Variants in COMMD10 observed in about 807,000 individuals in gnomAD.
COMMD10 encodes the protein COMM domain containing 10, also known as COMM domain-containing protein 10.
A neutral mutation model predicts 28.9 loss-of-function variants in COMMD10; 33 were observed. The observed-to-expected ratio is 1.14, with a 90% CI of 0.87 to 1.53. The LOEUF (loss-of-function observed/expected upper bound fraction) is 1.53. Among genes scored for constraint, COMMD10 ranks in the 40% most tolerant of loss-of-function variants. COMMD10 has a pLI of 0.00. For synonymous variants in COMMD10, 110 were observed against 81.7 expected (o/e 1.35, Z -1.87); for missense variants, 310 against 233.4 (o/e 1.33, Z -2.14).
At chr5:116,197,959 C>A (rs548507535) in intron 5 of COMMD10, among the ~76,000 whole-genome samples, 1 of 152,250 alleles carries the variant, frequency 6.6e-6, no homozygotes, top group East Asian at 1.9e-4. Context: ...TGGTTATTAC[C>A]TGGAAGGCTT....
At chr5:116,096,892 G>A (rs919048553) in intron 4 of COMMD10, among the ~76,000 whole-genome samples, 1 of 151,086 alleles carries the variant, frequency 6.6e-6, no homozygotes, top group African/African-American at 2.4e-5. Flanking sequence ...CTTTTTTTAA[G>A]CCATTTTCAT....
intron 5 of COMMD10, among the ~76,000 whole-genome samples, chr5:116,163,764 T>G (rs1025694760): frequency 1.3e-5 from 2 of 152,136 alleles, no homozygotes; most frequent in Non-Finnish European, 2.9e-5. Context: ...TTAAACCACT[T>G]TTTGTTTAGA....
intron 5 of COMMD10, among the ~76,000 whole-genome samples, chr5:116,167,671 C>T (rs1753176551): frequency 6.6e-6 from 1 of 152,050 alleles, no homozygotes; most frequent in Admixed American, 6.5e-5. Flanking sequence ...GAGTGGGGGC[C>T]AATATTCAAC....
intron 5 of COMMD10, among the ~76,000 whole-genome samples, chr5:116,282,635 A>C (rs1204554630): frequency 6.6e-6 from 1 of 151,942 alleles, no homozygotes; most frequent in Non-Finnish European, 1.5e-5. Flanking sequence ...TCTGTAGGCT[A>C]GAAGACTAAA....
At chr5:116,244,211 A>AT (rs1253374340) in intron 5 of COMMD10, among the ~76,000 whole-genome samples, 7 of 151,888 alleles carry the variant, frequency 4.6e-5, no homozygotes, top group African/African-American at 9.7e-5. Flanking sequence ...GCTTTCTTTC[A>AT]TTTTTTTTCT....
intron 5 of COMMD10, among the ~76,000 whole-genome samples, chr5:116,221,314 C>T (rs1749250072): frequency 6.6e-6 from 1 of 152,140 alleles, no homozygotes; most frequent in Non-Finnish European, 1.5e-5. Context: ...CCCAGAACTC[C>T]TCTGGGAGAT....
At chr5:116,264,036 C>A (rs1750519054) in intron 5 of COMMD10, among the ~76,000 whole-genome samples, 1 of 151,776 alleles carries the variant, frequency 6.6e-6, no homozygotes, top group Non-Finnish European at 1.5e-5. Context: ...GACAGCTAGA[C>A]TTTATTCAGA....
intron 5 of COMMD10, among the ~76,000 whole-genome samples, chr5:116,148,957 C>T (rs1752426911): frequency 6.6e-6 from 1 of 151,242 alleles, no homozygotes; most frequent in Non-Finnish European, 1.5e-5. Context: ...CCCAATAACT[C>T]ATCATGTAGC....
rs181684622 is a variant in COMMD10 at position 116,243,810 on chromosome 5, G to C, written c.511-47707G>C. Among the ~76,000 whole-genome samples, 30 of 152,250 alleles carry C rather than the reference G, an allele frequency of 2.0e-4. No homozygotes were observed. In the East Asian group the frequency reaches 5.0e-3, roughly 26 times the overall value. On this transcript the variant is annotated intron_variant, in intron 5 of 6. Transcript: ENST00000274458. Reference sequence around the variant, plus strand: ...CTGGCAAAACCATCTTAAGAGTATGGAGTGATAGGCAGTAAACTGCATTTA... The same window carrying C: ...CTGGCAAAACCATCTTAAGAGTATGCAGTGATAGGCAGTAAACTGCATTTA...
rs762242328 is a variant in COMMD10 at position 116,134,197 on chromosome 5, T to C, written c.510+19T>C. On this transcript the variant is annotated intron_variant, in intron 5 of 6. Transcript: ENST00000274458. ...TTCAAAGGTAAGAAATGGTATCCCA[T>C]TAAAAGGATGTATTTTGTTTGTTAG... The C allele has an allele frequency of 4.4e-6, 6 of 1,367,706 alleles. No homozygotes were observed. Among genetic ancestry groups the C allele is most frequent in the South Asian group, 2.3e-5 (2 of 85,832 alleles). The allele number at this position is 1,367,706 out of a possible 1,614,324, so 84.7% of individuals were successfully genotyped here.
chr5:116,246,677 T>A (rs1402561084), intron 5 of COMMD10, among the ~76,000 whole-genome samples: 1 of 152,044 alleles, frequency 6.6e-6, no homozygotes, highest in African/African-American at 2.4e-5. Flanking sequence ...AACCCAGATA[T>A]AAGGCCATAT....
chr5:116,268,648 A>C (rs927154344), intron 5 of COMMD10, among the ~76,000 whole-genome samples: 1 of 151,710 alleles, frequency 6.6e-6, no homozygotes, highest in Non-Finnish European at 1.5e-5. Flanking sequence ...AGACACACAC[A>C]TATGTTTATT....
At chr5:116,122,044 T>C (rs183408489) in intron 4 of COMMD10, among the ~76,000 whole-genome samples, 388 of 152,336 alleles carry the variant, frequency 2.5e-3, no homozygotes, top group Non-Finnish European at 4.4e-3. Context: ...GTTTTAGACA[T>C]GAAGTCCTTG....
chr5:116,134,762 C>T (rs1751976469), intron 5 of COMMD10, among the ~76,000 whole-genome samples: 1 of 152,136 alleles, frequency 6.6e-6, no homozygotes, highest in Non-Finnish European at 1.5e-5. Context: ...GCTGGGACTA[C>T]AGGCGCCTGC....
chr5:116,086,001 T>C (rs1171275856), intron 1 of COMMD10, among the ~76,000 whole-genome samples: 1 of 152,220 alleles, frequency 6.6e-6, no homozygotes, highest in Non-Finnish European at 1.5e-5. Context: ...AAGACATTTA[T>C]TGAAAATGAA....
intron 5 of COMMD10, among the ~76,000 whole-genome samples, chr5:116,255,393 T>G (rs1561394802): frequency 6.6e-6 from 1 of 151,776 alleles, no homozygotes; most frequent in Non-Finnish European, 1.5e-5. Flanking sequence ...CTTCCTAGTC[T>G]TGATGGTCGT....
At chr5:116,275,046 A>T (rs995919391) in intron 5 of COMMD10, among the ~76,000 whole-genome samples, 2 of 151,680 alleles carry the variant, frequency 1.3e-5, no homozygotes, top group Non-Finnish European at 2.9e-5. Flanking sequence ...CCTCTATTTC[A>T]TCCCCAAGAT....
intron 5 of COMMD10, among the ~76,000 whole-genome samples, chr5:116,243,617 A>G (rs950034803): frequency 1.3e-5 from 2 of 152,188 alleles, no homozygotes; most frequent in African/African-American, 4.8e-5. Flanking sequence ...CTGCTACATC[A>G]GAAAGTCGAA....
chr5:116,236,504 CA>C (rs34066036), intron 5 of COMMD10, among the ~76,000 whole-genome samples: 22,396 of 79,394 alleles, frequency 0.28, 1,550 homozygotes, highest in African/African-American at 0.39. Flanking sequence ...GACTCCGTCT[CA>C]AAAAAAAAAA....
Sources: allele counts gnomAD v4.1 joint callset (sites outside exome capture counted in the v4.1 genomes callset), GRCh38; gene constraint gnomAD v4.1.1; transcripts MANE v1.5; gene names NCBI Gene and HGNC (gene_info 2026-07-23, HGNC 2026-07-21).